FHIT: variants seen among roughly 807,000 people sequenced by gnomAD.
FHIT encodes fragile histidine triad diadenosine triphosphatase.
Under a neutral mutation model 17.9 loss-of-function variants are expected in FHIT, and 19 were observed. That is an observed-to-expected ratio of 1.06 (90% CI 0.74 to 1.56). The LOEUF (loss-of-function observed/expected upper bound fraction) is 1.56. Among genes scored for constraint, FHIT ranks in the 40% most tolerant of loss-of-function variants. The pLI is 0.00. For synonymous variants in FHIT, 81 were observed against 69.7 expected (o/e 1.16, Z -0.81); for missense variants, 248 against 189.2 (o/e 1.31, Z -1.82).
At chr3:60,940,023 A>G (rs1374988058) in intron 3 of FHIT, among the ~76,000 whole-genome samples, 5 of 152,152 alleles carry the variant, frequency 3.3e-5, no homozygotes, top group South Asian at 2.1e-4. Context: ...GGCTTCATTA[A>G]TTAGATTTTA....
rs527396765 is a variant in FHIT, at chr3:60,512,707, C to T, written c.103+24153G>A. Among the ~76,000 whole-genome samples the T allele has an allele frequency of 2.6e-5, 4 of 152,304 alleles. No homozygotes were observed. The East Asian group carries it at 7.7e-4, about 29-fold the overall frequency. On this transcript the variant is annotated intron_variant, in intron 5 of 9. Coordinates refer to ENST00000492590, the MANE Select transcript of FHIT (RefSeq NM_002012.4). Reference sequence around the variant, plus strand: ...TGCAGAGGCAAGGGGACAACATAACCTATTTGGTGTCCTTGCCAAAAATGG... The same window carrying T: ...TGCAGAGGCAAGGGGACAACATAACTTATTTGGTGTCCTTGCCAAAAATGG...
intron 5 of FHIT, among the ~76,000 whole-genome samples, chr3:60,222,949 A>G (rs76036651): frequency 0.022 from 3,315 of 152,294 alleles, 127 homozygotes; most frequent in African/African-American, 0.077. Flanking sequence ...GCACCAGCCT[A>G]ACAGTAATAA....
At chr3:59,968,612 G>A (rs889903523) in intron 7 of FHIT, among the ~76,000 whole-genome samples, 4 of 151,982 alleles carry the variant, frequency 2.6e-5, no homozygotes, top group African/African-American at 9.7e-5. Flanking sequence ...TTTATATCAA[G>A]TTCTCTATCC....
intron 5 of FHIT, among the ~76,000 whole-genome samples, chr3:60,174,988 G>C (rs1394833328): frequency 6.6e-6 from 1 of 152,166 alleles, no homozygotes; most frequent in Non-Finnish European, 1.5e-5. Context: ...CTGTGTGAAC[G>C]AAAGGATAGG....
intron 2 of FHIT, among the ~76,000 whole-genome samples, chr3:61,078,375 G>A (rs1010565473): frequency 1.3e-5 from 2 of 152,044 alleles, no homozygotes; most frequent in Non-Finnish European, 2.9e-5. Context: ...CTACTCTGTG[G>A]CACATTTTCC....
intron 5 of FHIT, among the ~76,000 whole-genome samples, chr3:60,322,615 G>C (rs11711608): frequency 9.2e-5 from 14 of 152,054 alleles, no homozygotes; most frequent in Admixed American, 9.2e-4. Context: ...TGTGTTATTT[G>C]TAACACCTCA....
intron 5 of FHIT, among the ~76,000 whole-genome samples, chr3:60,064,932 A>G (rs980593040): frequency 6.6e-5 from 10 of 152,210 alleles, no homozygotes; most frequent in Non-Finnish European, 1.5e-4. Context: ...ACTTAAAGAT[A>G]TAACACTTAC....
intron 3 of FHIT, among the ~76,000 whole-genome samples, chr3:60,915,995 C>T (rs550589343): frequency 4.7e-4 from 72 of 152,248 alleles, no homozygotes; most frequent in African/African-American, 1.7e-3. Flanking sequence ...CATATACACA[C>T]ATTTTAAATT....
intron 5 of FHIT, among the ~76,000 whole-genome samples, chr3:60,387,816 G>C (rs971017741): frequency 8.5e-5 from 13 of 152,172 alleles, no homozygotes; most frequent in African/African-American, 2.9e-4. Context: ...TGAGTCTCAT[G>C]TTGAAATCTG....
At chr3:60,779,864 C>T (rs1384302883) in intron 4 of FHIT, among the ~76,000 whole-genome samples, 8 of 152,130 alleles carry the variant, frequency 5.3e-5, no homozygotes, top group Admixed American at 3.3e-4. Flanking sequence ...ATAAAGGCCA[C>T]GTTAATATCC....
At chr3:60,058,109 G>A (rs1219124559) in intron 5 of FHIT, among the ~76,000 whole-genome samples, 1 of 130,136 alleles carries the variant, frequency 7.7e-6, no homozygotes, top group Non-Finnish European at 1.6e-5. Context: ...GGGAGTTATT[G>A]TATAATGAGT....
In FHIT at chr3:60,208,738, T is replaced by C. The variant is rs537498995; in HGVS notation, c.104-194586A>G. Reference sequence around the variant, plus strand: ...CTATAAAAGTATAGCTCTGAGAATATGAAAGAAAATAATCACCAGGACAGG... The same window carrying C: ...CTATAAAAGTATAGCTCTGAGAATACGAAAGAAAATAATCACCAGGACAGG... On this transcript the variant is annotated intron_variant, in intron 5 of 9. Transcript: ENST00000492590. 2.7e-3 allele frequency among the ~76,000 whole-genome samples: 416 copies of C among 152,306 alleles called. 8 individuals are homozygous for C. The highest frequency in any genetic ancestry group is 4.2e-3 in the Non-Finnish European group (284 of 68,020).
In FHIT at chr3:60,516,896, T is replaced by C. The variant is rs892345448; in HGVS notation, c.103+19964A>G. On this transcript the variant is annotated intron_variant, in intron 5 of 9. Coordinates refer to ENST00000492590, the MANE Select transcript of FHIT (RefSeq NM_002012.4). ...TAATTATAATAGGAGCTTCAGTAAA[T>C]TGAGAAATCAATTGAGATACAAACT... 1.3e-4 allele frequency among the ~76,000 whole-genome samples: 20 copies of C among 152,118 alleles called. 1 individual carries two copies. Among genetic ancestry groups the C allele is most frequent in the Non-Finnish European group, 2.9e-5 (2 of 68,018 alleles).
intron 5 of FHIT, among the ~76,000 whole-genome samples, chr3:60,211,827 T>A (rs1703465422): frequency 6.6e-6 from 1 of 152,216 alleles, no homozygotes; most frequent in African/African-American, 2.4e-5. Flanking sequence ...GCCTACAAGT[T>A]GCCTTAGCTG....
intron 2 of FHIT, among the ~76,000 whole-genome samples, chr3:61,124,379 C>G (rs913845258): frequency 1.3e-5 from 2 of 152,146 alleles, no homozygotes; most frequent in Non-Finnish European, 1.5e-5. Flanking sequence ...TAACGGAGGG[C>G]AGTTAATGCA....
rs191195531 is a variant in FHIT at position 60,302,469 on chromosome 3, C to A, written c.103+234391G>T. 2.0e-3 allele frequency among the ~76,000 whole-genome samples: 299 copies of A among 152,264 alleles called. 1 individual carries two copies. Among genetic ancestry groups the A allele is most frequent in the African/African-American group, 7.0e-3 (290 of 41,562 alleles). ...CTTGATTCTATGTTTTACCATATTT[C>A]TTTTCTTCCTCCACATCTCACTTTT... On this transcript the variant is annotated intron_variant, in intron 5 of 9. Coordinates refer to ENST00000492590, the MANE Select transcript of FHIT (RefSeq NM_002012.4).
intron 8 of FHIT, among the ~76,000 whole-genome samples, chr3:59,785,291 T>C (rs2106900115): frequency 6.8e-6 from 1 of 147,196 alleles, no homozygotes; most frequent in South Asian, 2.2e-4. Flanking sequence ...ATTCCAGAAG[T>C]GATTAGTGAT....
At position 61,066,379 on chromosome 3, in the gene FHIT, C is replaced by T. The variant is rs144259035; in HGVS notation, c.-163-24280G>A. On this transcript the variant is annotated intron_variant, in intron 2 of 9. Transcript: ENST00000492590. Reference sequence around the variant, plus strand: ...CTATAACCTCAGCACTTTGGGAGGCCAAGGTGGGTGGATCATCTGAGGTCA... The same window carrying T: ...CTATAACCTCAGCACTTTGGGAGGCTAAGGTGGGTGGATCATCTGAGGTCA... 2.7e-3 allele frequency among the ~76,000 whole-genome samples: 406 copies of T among 152,212 alleles called. 2 individuals are homozygous for T. The highest frequency in any genetic ancestry group is 9.0e-3 in the African/African-American group (374 of 41,542).
At chr3:60,075,985 C>T (rs1287937786) in intron 5 of FHIT, among the ~76,000 whole-genome samples, 1 of 152,030 alleles carries the variant, frequency 6.6e-6, no homozygotes, top group Non-Finnish European at 1.5e-5. Context: ...GTAAATATTG[C>T]TAATTTATGT....
Sources: allele counts gnomAD v4.1 joint callset (sites outside exome capture counted in the v4.1 genomes callset), GRCh38; gene constraint gnomAD v4.1.1; transcripts MANE v1.5; gene names NCBI Gene and HGNC (gene_info 2026-07-23, HGNC 2026-07-21).